GRIN3A: variants seen among roughly 807,000 people sequenced by gnomAD.
GRIN3A encodes glutamate receptor ionotropic, NMDA 3A.
GRIN3A carries 47 observed loss-of-function variants against 92.4 expected under a neutral mutation model. The observed-to-expected ratio is 0.51, with a 90% CI of 0.40 to 0.65. GRIN3A has a LOEUF of 0.65. GRIN3A is among the 30% of genes least tolerant of loss of function. The pLI is 0.00. For missense variants in GRIN3A, 1,324 were observed against 1,393.1 expected (o/e 0.95, Z 0.79); for synonymous variants, 527 against 540.6 (o/e 0.97, Z 0.35).
chr9:101,635,397 A>G (rs2118891572), intron 3 of GRIN3A, among the ~76,000 whole-genome samples: 1 of 152,302 alleles, frequency 6.6e-6, no homozygotes, highest in East Asian at 1.9e-4. Context: ...AGTAAGTACA[A>G]AAGAAAACAT....
intron 3 of GRIN3A, among the ~76,000 whole-genome samples, chr9:101,650,034 C>T (rs1017721507): frequency 1.3e-5 from 2 of 152,022 alleles, no homozygotes; most frequent in African/African-American, 2.4e-5. Flanking sequence ...GTGCAAACCA[C>T]GAACAGAGTA....
intron 1 of GRIN3A, among the ~76,000 whole-genome samples, chr9:101,730,907 G>A (rs902816702): frequency 6.6e-6 from 1 of 151,888 alleles, no homozygotes; most frequent in African/African-American, 2.4e-5. Context: ...CATGAATAGA[G>A]AAAAATGTAG....
intron 1 of GRIN3A, among the ~76,000 whole-genome samples, chr9:101,692,115 T>C (rs1829627750): frequency 6.6e-6 from 1 of 152,184 alleles, no homozygotes; most frequent in African/African-American, 2.4e-5. Flanking sequence ...TTGCTCCTTC[T>C]CCTTTTTCTT....
At chr9:101,666,301 T>C (rs1261458005) in intron 3 of GRIN3A, among the ~76,000 whole-genome samples, 3 of 152,004 alleles carry the variant, frequency 2.0e-5, no homozygotes, top group Admixed American at 6.6e-5. Flanking sequence ...CCAATATCTG[T>C]TGGATTTAAC....
chr9:101,731,444 G>T (rs1013456543), intron 1 of GRIN3A, among the ~76,000 whole-genome samples: 2 of 152,176 alleles, frequency 1.3e-5, no homozygotes, highest in Non-Finnish European at 2.9e-5. Context: ...AATATAATAT[G>T]ATTAAAATTC....
chr9:101,675,960 G>A (rs1471023891), intron 2 of GRIN3A, among the ~76,000 whole-genome samples: 1 of 151,762 alleles, frequency 6.6e-6, no homozygotes, highest in Non-Finnish European at 1.5e-5. Context: ...AAATAATGTT[G>A]CCCTTTTCTT....
intron 1 of GRIN3A, among the ~76,000 whole-genome samples, chr9:101,725,680 C>A (rs1369853472): frequency 1.3e-5 from 2 of 152,152 alleles, no homozygotes; most frequent in African/African-American, 4.8e-5. Flanking sequence ...ACTATTGATA[C>A]CTCCTTTGAA....
intron 6 of GRIN3A, among the ~76,000 whole-genome samples, chr9:101,610,667 A>G (rs755125809): frequency 1.1e-4 from 16 of 151,994 alleles, no homozygotes; most frequent in Non-Finnish European, 2.2e-4. Context: ...CTAGATGTCT[A>G]TCATCTATCT....
chr9:101,605,285 A>G (rs1372023120), intron 6 of GRIN3A, among the ~76,000 whole-genome samples: 2 of 152,234 alleles, frequency 1.3e-5, no homozygotes, highest in Non-Finnish European at 2.9e-5. Flanking sequence ...CTATCCATTC[A>G]GCACCTACTG....
At chr9:101,598,224 T>C (rs1291719621) in intron 6 of GRIN3A, among the ~76,000 whole-genome samples, 7 of 152,234 alleles carry the variant, frequency 4.6e-5, no homozygotes, top group Non-Finnish European at 1.0e-4. Context: ...TGAGTTGTTT[T>C]ACACTTTTTG....
chr9:101,600,013 G>A (rs1828191028), intron 6 of GRIN3A, among the ~76,000 whole-genome samples: 2 of 152,138 alleles, frequency 1.3e-5, no homozygotes, highest in Non-Finnish European at 2.9e-5. Flanking sequence ...TACTGAAATG[G>A]TGTTTAATGA....
chr9:101,686,506 T>A (rs1375548278), intron 2 of GRIN3A, 90 bp downstream of exon 2: 2 of 1,412,706 alleles, frequency 1.4e-6, no homozygotes, highest in Non-Finnish European at 2.0e-6. Context: ...CTACTCAGAG[T>A]CAAGATTTCT....
intron 1 of GRIN3A, among the ~76,000 whole-genome samples, chr9:101,714,686 A>T (rs1300881115): frequency 6.6e-6 from 1 of 152,210 alleles, no homozygotes; most frequent in Admixed American, 6.5e-5. Context: ...TTACAAAAAC[A>T]GAAGTGCTAG....
At chr9:101,609,736 C>T (rs1486927613) in intron 6 of GRIN3A, among the ~76,000 whole-genome samples, 1 of 152,124 alleles carries the variant, frequency 6.6e-6, no homozygotes, top group African/African-American at 2.4e-5. Context: ...TCAGATGATC[C>T]TCTGAAATGA....
chr9:101,641,572 T>C (rs1362058435), intron 3 of GRIN3A, among the ~76,000 whole-genome samples: 2 of 151,756 alleles, frequency 1.3e-5, no homozygotes, highest in African/African-American at 2.4e-5. Context: ...TTGGTGGGAA[T>C]TGAACAATGA....
chr9:101,671,138 GAA>G, intron 2 of GRIN3A, 31 bp from the exon 3 acceptor site: 1 of 1,463,616 alleles, frequency 6.8e-7, no homozygotes, highest in Non-Finnish European at 9.6e-7. Context: ...CAAAAAGTAA[GAA>G]AAGCAGTGAG....
intron 1 of GRIN3A, among the ~76,000 whole-genome samples, chr9:101,715,938 A>T (rs1271140821): frequency 6.6e-6 from 1 of 152,214 alleles, no homozygotes; most frequent in African/African-American, 2.4e-5. Flanking sequence ...GTTTTTATAT[A>T]CAAATTATTA....
chr9:101,688,041 A>G (rs1390332413), intron 1 of GRIN3A, among the ~76,000 whole-genome samples: 1 of 152,242 alleles, frequency 6.6e-6, no homozygotes, highest in Admixed American at 6.5e-5. Flanking sequence ...CATCCTGACA[A>G]TGTTTAGCAC....
At chr9:101,602,880 G>C (rs966733982) in intron 6 of GRIN3A, 3 of 152,148 alleles carry the variant, frequency 2.0e-5, no homozygotes, top group Non-Finnish European at 4.4e-5. Context: ...CCAGAGAATT[G>C]TAGGTCTTGG....
Sources: allele counts gnomAD v4.1 joint callset (sites outside exome capture counted in the v4.1 genomes callset), GRCh38; gene constraint gnomAD v4.1.1; transcripts MANE v1.5; gene names NCBI Gene and HGNC (gene_info 2026-07-23, HGNC 2026-07-21).